Variants in RBFOX1 observed in about 807,000 individuals in gnomAD.
RBFOX1 encodes the protein RNA binding protein fox-1 homolog 1.
In RBFOX1, 8 loss-of-function variants were observed where a neutral mutation model predicts 57.7. That is an observed-to-expected ratio of 0.14 (90% CI 0.08 to 0.25). The LOEUF (loss-of-function observed/expected upper bound fraction) is 0.25, where lower values mean the gene tolerates loss of function less well. Among genes scored for constraint, RBFOX1 ranks in the 10% least tolerant of loss-of-function variants. The pLI is 1.00. For missense variants in RBFOX1, 611 were observed against 548.5 expected, an observed-to-expected ratio of 1.11 and a Z score of -1.14; for synonymous variants, 326 against 222.4, an observed-to-expected ratio of 1.47 and a Z score of -4.15.
chr16:6,828,387 G>A (rs1336107704), intron 3 of RBFOX1, among the ~76,000 whole-genome samples: 1 of 152,048 alleles, frequency 6.6e-6, no homozygotes, highest in Non-Finnish European at 1.5e-5. Flanking sequence ...AACTGGGCAT[G>A]GTGACACAGG....
intron 3 of RBFOX1, among the ~76,000 whole-genome samples, chr16:6,664,538 T>C (rs754900189): frequency 4.6e-5 from 7 of 152,300 alleles, no homozygotes; most frequent in East Asian, 3.9e-4. Flanking sequence ...GTAGATCTCA[T>C]TGTGTCCTTT....
At chr16:5,984,458 C>T (rs1596344248) in intron 4 of RBFOX1, among the ~76,000 whole-genome samples, 1 of 151,766 alleles carries the variant, frequency 6.6e-6, no homozygotes, top group Admixed American at 6.6e-5. Flanking sequence ...ATTATCCAGC[C>T]ATAGTTATCC....
chr16:5,977,601 A>G (rs1480855304), intron 4 of RBFOX1, among the ~76,000 whole-genome samples: 1 of 152,166 alleles, frequency 6.6e-6, no homozygotes, highest in Non-Finnish European at 1.5e-5. Context: ...TCTGGGAACA[A>G]CTGCAAGGCT....
At chr16:6,960,786 A>C (rs562938060) in intron 3 of RBFOX1, among the ~76,000 whole-genome samples, 1 of 151,834 alleles carries the variant, frequency 6.6e-6, no homozygotes, top group Non-Finnish European at 1.5e-5. Flanking sequence ...CATATCCCTG[A>C]CTGTAGGGAT....
At chr16:6,118,477 C>T (rs557583067) in intron 1 of RBFOX1, among the ~76,000 whole-genome samples, 20 of 152,250 alleles carry the variant, frequency 1.3e-4, no homozygotes, top group East Asian at 9.7e-4. Flanking sequence ...TGTCATCACA[C>T]GGTGTAAGGG....
At position 7,214,294 on chromosome 16, in the gene RBFOX1, T is replaced by A. The variant is rs1479472290; in HGVS notation, c.27+162196T>A. Among the ~76,000 whole-genome samples the A allele has an allele frequency of 2.0e-5, 3 of 152,176 alleles. No individual in the cohort carries two copies. In the East Asian group the frequency reaches 5.8e-4, roughly 29 times the overall value. ...TACGCATATGGGAGGAGAATGATCT[T>A]TATGATGACACGATGATCTTATCCA... On this transcript the variant is annotated intron_variant, in intron 4 of 15. Transcript: ENST00000550418.
At chr16:6,815,999 T>G (rs1449291513) in intron 3 of RBFOX1, among the ~76,000 whole-genome samples, 1 of 152,192 alleles carries the variant, frequency 6.6e-6, no homozygotes, top group Admixed American at 6.5e-5. Flanking sequence ...AAGAGTTTCT[T>G]TCTGCCTATT....
chr16:7,367,410 G>A (rs1005472586), intron 4 of RBFOX1, among the ~76,000 whole-genome samples: 1 of 152,158 alleles, frequency 6.6e-6, no homozygotes, highest in Non-Finnish European at 1.5e-5. Context: ...TCTCTTCGAT[G>A]GATTCCATGA....
At chr16:7,280,952 C>A (rs1487360355) in intron 4 of RBFOX1, among the ~76,000 whole-genome samples, 1 of 112,726 alleles carries the variant, frequency 8.9e-6, no homozygotes, top group Non-Finnish European at 1.8e-5. Context: ...TGATTCCCTA[C>A]CTACCTCCCT....
chr16:5,356,694 C>G (rs891553122), intron 1 of RBFOX1, among the ~76,000 whole-genome samples: 1 of 152,134 alleles, frequency 6.6e-6, no homozygotes, highest in Non-Finnish European at 1.5e-5. Context: ...TGGGAAATGG[C>G]AAACAGTGAG....
chr16:7,676,728 T>A, intron 13 of RBFOX1, 46 bp from the exon 14 acceptor site: 1 of 1,536,578 alleles, frequency 6.5e-7, no homozygotes, highest in Non-Finnish European at 9.0e-7. Flanking sequence ...CATCCCTGCA[T>A]TGGGCTCCGC....
At chr16:7,590,833 T>G (rs1602672969) in intron 7 of RBFOX1, among the ~76,000 whole-genome samples, 2 of 135,754 alleles carry the variant, frequency 1.5e-5, no homozygotes, top group African/African-American at 2.8e-5. Flanking sequence ...CATTCCAGCC[T>G]GGGCAAGAAG....
At chr16:5,555,645 C>T (rs992669418) in intron 2 of RBFOX1, among the ~76,000 whole-genome samples, 1 of 152,028 alleles carries the variant, frequency 6.6e-6, no homozygotes, top group Non-Finnish European at 1.5e-5. Flanking sequence ...GAACATGTGC[C>T]CTATGTGTAG....
At chr16:7,296,671 A>T (rs895678843) in intron 4 of RBFOX1, among the ~76,000 whole-genome samples, 2 of 152,214 alleles carry the variant, frequency 1.3e-5, no homozygotes, top group Non-Finnish European at 2.9e-5. Flanking sequence ...CTTTTGCTGC[A>T]ATGAATAGGC....
chr16:6,399,441 A>T (rs9939232), intron 2 of RBFOX1, among the ~76,000 whole-genome samples: 110,599 of 152,098 alleles, frequency 0.73, 41,090 homozygotes, highest in African/African-American at 0.89. Flanking sequence ...ATGCCACCAG[A>T]CTCTCTGCTA....
intron 4 of RBFOX1, among the ~76,000 whole-genome samples, chr16:7,142,417 T>C (rs1027902513): frequency 3.3e-5 from 5 of 152,134 alleles, no homozygotes; most frequent in African/African-American, 1.2e-4. Flanking sequence ...TCATTTCGTG[T>C]CACTCTTCCA....
intron 4 of RBFOX1, among the ~76,000 whole-genome samples, chr16:5,915,909 C>G (rs1213952212): frequency 6.6e-6 from 1 of 152,150 alleles, no homozygotes; most frequent in African/African-American, 2.4e-5. Flanking sequence ...TATTAAAATT[C>G]ATGATGATCA....
At chr16:7,097,185 T>C (rs1289371107) in intron 4 of RBFOX1, among the ~76,000 whole-genome samples, 1 of 152,112 alleles carries the variant, frequency 6.6e-6, no homozygotes, top group Non-Finnish European at 1.5e-5. Context: ...GAAGGTGTCT[T>C]CTCAGCTAGG....
chr16:7,006,164 T>TTTA lies in RBFOX1; in HGVS notation c.-15-45891_-15-45890insATT, dbSNP rs1568336006. On this transcript the variant is annotated intron_variant, in intron 3 of 15. Coordinates refer to ENST00000550418, the MANE Select transcript of RBFOX1 (RefSeq NM_018723.4). ...ATTAAATTTATTTATTTATTTATTT[T>TTTA]TTTTTGAGATGGAGTCTCACTCTGT... Among the ~76,000 whole-genome samples the TTTA allele has an allele frequency of 7.9e-5, 12 of 151,904 alleles. 1 individual carries two copies. The highest frequency in any genetic ancestry group is 4.2e-4 in the South Asian group (2 of 4,816).
Sources: allele counts gnomAD v4.1 joint callset (sites outside exome capture counted in the v4.1 genomes callset), GRCh38; gene constraint gnomAD v4.1.1; transcripts MANE v1.5; gene names NCBI Gene and HGNC (gene_info 2026-07-23, HGNC 2026-07-21).